The following PDZD7 variants were observed in gnomAD, a reference collection of about 807,000 sequenced individuals.
The protein encoded by PDZD7 is PDZ domain containing 7.
Under a neutral mutation model 84.7 loss-of-function variants are expected in PDZD7, and 72 were observed. The observed-to-expected ratio is 0.85, with a 90% CI of 0.70 to 1.03. PDZD7 has a LOEUF of 1.03. PDZD7 is among the 50% of genes least tolerant of loss of function. The probability of loss-of-function intolerance (pLI) is 0.00; values close to 1 mark genes in which losing one functional copy is unlikely to be tolerated. For missense variants in PDZD7, 1,490 were observed against 1,412.9 expected (o/e 1.05, Z -0.87); for synonymous variants, 594 against 580.7 (o/e 1.02, Z -0.33).
chr10:101,011,125 C>T, intron 14 of PDZD7: 1 of 1,250,554 alleles, frequency 8.0e-7, no homozygotes, highest in Non-Finnish European at 1.1e-6. Flanking sequence ...ACTGCAACCT[C>T]CACCTCCCAG....
At chr10:101,017,075 T>C (rs754406275) in intron 9 of PDZD7, among the ~76,000 whole-genome samples, 2 of 152,102 alleles carry the variant, frequency 1.3e-5, no homozygotes, top group African/African-American at 4.8e-5. Context: ...TACTCCAGGG[T>C]GGGTACATGA....
chr10:101,009,858 G>A (rs1049563093), intron 15 of PDZD7, among the ~76,000 whole-genome samples: 47 of 151,388 alleles, frequency 3.1e-4, no homozygotes, highest in African/African-American at 1.1e-3. Flanking sequence ...CCACCCTCCT[G>A]GGCCTCCTGA....
intron 14 of PDZD7, 94 bp from the exon 15 acceptor site, chr10:101,010,977 CGAGTTTGTT>C: frequency 6.6e-7 from 1 of 1,525,830 alleles, no homozygotes; most frequent in Non-Finnish European, 8.8e-7. Context: ...GAGCCAGGCC[CGAGTTTGTT>C]CAGGCACCAC....
At chr10:101,015,060 C>T (rs571980183) in intron 11 of PDZD7, among the ~76,000 whole-genome samples, 19 of 152,248 alleles carry the variant, frequency 1.2e-4, no homozygotes, top group South Asian at 4.1e-4. Flanking sequence ...CACCCTGGGG[C>T]GCTCTGGTTC....
At chr10:101,018,786 T>C (rs1003008003) in intron 8 of PDZD7, 36 bp downstream of exon 8, 3 of 1,549,508 alleles carry the variant, frequency 1.9e-6, no homozygotes, top group African/African-American at 2.7e-5. Flanking sequence ...GACCAGAGGC[T>C]GTGGAGGGAG....
intron 9 of PDZD7, chr10:101,017,274 C>T: frequency 4.0e-6 from 1 of 250,854 alleles, no homozygotes; most frequent in South Asian, 1.1e-4. Flanking sequence ...CAAAGCCCCA[C>T]AATAGCGAAG....
intron 12 of PDZD7, 24 bp downstream of exon 12, chr10:101,012,143 G>A (rs1286760007): frequency 6.5e-7 from 1 of 1,548,246 alleles, no homozygotes; most frequent in Non-Finnish European, 8.7e-7. Flanking sequence ...CTGCCCCCAA[G>A]CCCTCTCTGC....
intron 7 of PDZD7, 119 bp from the exon 8 acceptor site, chr10:101,019,336 A>G: frequency 7.6e-7 from 1 of 1,308,336 alleles, no homozygotes; most frequent in Non-Finnish European, 1.0e-6. Context: ...CAGGGTTAGA[A>G]CCGCAGTGGT....
intron 15 of PDZD7, among the ~76,000 whole-genome samples, chr10:101,009,599 CTTTTTTTT>C (rs142806278): frequency 1.6e-5 from 1 of 62,234 alleles, no homozygotes; most frequent in Non-Finnish European, 2.7e-5. Flanking sequence ...GAGACAGAGT[CTTTTTTTT>C]TTTTTTTTTT....
At position 101,023,999 on chromosome 10, in the gene PDZD7, A is replaced by C; in HGVS notation, c.296T>G (p.Phe99Cys). ...ATGCTCTGAGCCCCCGCGCACGCTG[A>C]AGCCCAGCCTCCCTGCTGGACTCTT... ...VEKSPAGRLG[F>C]SVRGGSEHGL... The change falls in exon 3 of 17, where the codon TTC becomes TGC. Residue 99 changes from phenylalanine to cysteine, a missense_variant. Coordinates refer to ENST00000619208, the MANE Select transcript of PDZD7 (RefSeq NM_001195263.2). 6.2e-7 allele frequency: 1 copy of C among 1,614,260 alleles called. No homozygotes were observed. The highest frequency in any genetic ancestry group is 8.5e-7 in the Non-Finnish European group (1 of 1,180,034).
At chr10:101,012,092 C>T (rs1852413797) in intron 12 of PDZD7, 75 bp downstream of exon 12, 9 of 1,540,396 alleles carry the variant, frequency 5.8e-6, no homozygotes, top group Non-Finnish European at 7.9e-6. Flanking sequence ...GGATGCCCTT[C>T]AGCCCTCGGG....
In PDZD7 at chr10:101,015,649, C is replaced by G; in HGVS notation, c.1736G>C (p.Arg579Pro). Residue 579 changes from arginine to proline, a missense_variant, in exon 11 of 17, where the codon CGC (arginine) becomes CCC (proline). Transcript: ENST00000619208. The part of the protein sequence containing the change: ...LTDDEVLAVT[R>P]HCSRYVHEGG... ...ATGAAGGCTTACCCGGGAGCAGTGG[C>G]GGGTGACAGCCAGCACCTCGTCATC... is the stretch of plus-strand genomic sequence containing the variant. The G allele has an allele frequency of 1.9e-6, 3 of 1,548,900 alleles. No individual in the cohort carries two copies.
intron 11 of PDZD7, among the ~76,000 whole-genome samples, chr10:101,013,123 A>C (rs1300764656): frequency 6.6e-6 from 1 of 152,202 alleles, no homozygotes; most frequent in African/African-American, 2.4e-5. Context: ...TCTGGAAATA[A>C]ATACAATACA....
intron 4 of PDZD7, 110 bp from the exon 5 acceptor site, chr10:101,022,495 TC>T: frequency 7.6e-7 from 1 of 1,309,414 alleles, no homozygotes; most frequent in Non-Finnish European, 1.1e-6. Context: ...TTTGGGGGAC[TC>T]CCCAGGCCTG....
chr10:101,028,001 G>C (rs1937819240), intron 2 of PDZD7, among the ~76,000 whole-genome samples: 1 of 152,170 alleles, frequency 6.6e-6, no homozygotes, highest in Non-Finnish European at 1.5e-5. Flanking sequence ...GGCCGATGTA[G>C]GTGGCAATGT....
chr10:101,019,060 GC>G lies in PDZD7; in HGVS notation c.1085del (p.Gly362AlafsTer77), dbSNP rs1439050467. The G allele has an allele frequency of 3.2e-6, 5 of 1,577,380 alleles. No individual in the cohort carries two copies. The highest frequency in any genetic ancestry group is 4.3e-6 in the Non-Finnish European group (5 of 1,167,420). ...GQEEPGSRGP[G>X]WGRADTAMQT... ...GCATGGCTGTGTCCGCCCGCCCCCA[GC>G]CTGGGCCGCGGCTGCCGGGCTCCTC... On this transcript the variant is annotated frameshift_variant, in exon 8 of 17. Coordinates refer to ENST00000619208, the MANE Select transcript of PDZD7 (RefSeq NM_001195263.2). LOFTEE classifies it high-confidence loss of function.
At chr10:101,020,422 G>A (rs1435766650) in intron 7 of PDZD7, among the ~76,000 whole-genome samples, 196 bp downstream of exon 7, 1 of 152,090 alleles carries the variant, frequency 6.6e-6, no homozygotes, top group Non-Finnish European at 1.5e-5. Context: ...ATTATTTGTA[G>A]AGACGAGGTC....
At chr10:101,017,844 A>G (rs1852731160) in intron 9 of PDZD7, 2 of 318,424 alleles carry the variant, frequency 6.3e-6, no homozygotes, top group Non-Finnish European at 1.1e-5. Context: ...GGAAGGAAAG[A>G]AAGAAAGAAA....
At position 101,018,522 on chromosome 10, in the gene PDZD7, G is replaced by A. The variant is rs534739029; in HGVS notation, c.1325-226C>T. Among the ~76,000 whole-genome samples, 8 of 152,324 alleles carry A rather than the reference G, an allele frequency of 5.3e-5. No homozygotes were observed. In the South Asian group the frequency reaches 1.7e-3, roughly 32 times the overall value. On this transcript the variant is annotated intron_variant, in intron 8 of 16. Coordinates refer to ENST00000619208, the MANE Select transcript of PDZD7 (RefSeq NM_001195263.2). The stretch of plus-strand genomic sequence containing the variant: ...TCCCTTGAGGCCCAGTTAGAGAAGG[G>A]CACACATGCGTGCGTGTGTTTGAGC...
Sources: gnomAD v4.1 joint callset for allele counts (sites outside exome capture counted in the v4.1 genomes callset) on GRCh38, gnomAD v4.1.1 for gene constraint, MANE v1.5 for transcripts, NCBI Gene and HGNC (gene_info 2026-07-23, HGNC 2026-07-21) for gene names.